The following AGBL4 variants were observed in gnomAD, a reference collection of about 807,000 sequenced individuals.
AGBL4 encodes AGBL carboxypeptidase 4.
In AGBL4, 58 loss-of-function variants were observed where a neutral mutation model predicts 66.4. That is an observed-to-expected ratio of 0.87 (90% CI 0.71 to 1.09). The LOEUF is 1.09. Among genes scored for constraint, AGBL4 ranks in the 50% least tolerant of loss-of-function variants. The pLI, the probability that AGBL4 is intolerant of heterozygous loss-of-function variation, is 0.00. For missense variants in AGBL4, 579 were observed against 631.0 expected (o/e 0.92, Z 0.88); for synonymous variants, 234 against 222.9 (o/e 1.05, Z -0.44).
chr1:49,596,529 G>A (rs1644857003), intron 3 of AGBL4, among the ~76,000 whole-genome samples: 1 of 152,140 alleles, frequency 6.6e-6, no homozygotes, highest in Non-Finnish European at 1.5e-5. Flanking sequence ...TGACCTCCAA[G>A]AATCTCTCAA....
intron 4 of AGBL4, among the ~76,000 whole-genome samples, chr1:49,160,623 G>A (rs750885360): frequency 6.6e-6 from 1 of 152,160 alleles, no homozygotes; most frequent in African/African-American, 2.4e-5. Context: ...AGGCAGGGAC[G>A]TTCAAATCTG....
chr1:48,922,646 A>G (rs527445848), intron 5 of AGBL4, among the ~76,000 whole-genome samples: 76 of 152,284 alleles, frequency 5.0e-4, no homozygotes, highest in African/African-American at 1.8e-3. Context: ...GTTATTCTTA[A>G]TTTAGGAGAC....
At chr1:48,921,688 C>T (rs1654092966) in intron 5 of AGBL4, among the ~76,000 whole-genome samples, 1 of 152,138 alleles carries the variant, frequency 6.6e-6, no homozygotes. Context: ...TATTTAGTCC[C>T]TTAATCTCTA....
intron 5 of AGBL4, among the ~76,000 whole-genome samples, chr1:48,902,451 G>C (rs1200045716): frequency 1.3e-5 from 2 of 152,144 alleles, no homozygotes; most frequent in Admixed American, 1.3e-4. Context: ...AAGCAGTGGA[G>C]ATGCTGAGAA....
chr1:49,654,491 G>A (rs955186533), intron 3 of AGBL4, among the ~76,000 whole-genome samples: 1 of 152,100 alleles, frequency 6.6e-6, no homozygotes, highest in African/African-American at 2.4e-5. Context: ...TTAGCTTTCT[G>A]TCTCGTTGAT....
At chr1:49,899,274 T>C (rs909835133) in intron 1 of AGBL4, among the ~76,000 whole-genome samples, 1 of 147,810 alleles carries the variant, frequency 6.8e-6, no homozygotes, top group African/African-American at 2.5e-5. Flanking sequence ...TCCACAAAAA[T>C]AAAAAAAAAA....
intron 3 of AGBL4, among the ~76,000 whole-genome samples, chr1:49,382,585 C>T (rs1048763984): frequency 3.3e-5 from 5 of 151,948 alleles, no homozygotes; most frequent in African/African-American, 9.7e-5. Context: ...GAAAGCTTTC[C>T]CTCTAAAATT....
At chr1:48,572,875 G>T (rs1023701004) in intron 11 of AGBL4, among the ~76,000 whole-genome samples, 1 of 152,198 alleles carries the variant, frequency 6.6e-6, no homozygotes. Flanking sequence ...CAACAAAGCC[G>T]CAGCTTGTGG....
At chr1:49,818,326 G>C (rs1645281741) in intron 2 of AGBL4, among the ~76,000 whole-genome samples, 1 of 151,274 alleles carries the variant, frequency 6.6e-6, no homozygotes, top group Non-Finnish European at 1.5e-5. Flanking sequence ...TAATCATATG[G>C]GTTTTTTTTA....
chr1:49,122,882 C>T (rs931081147), intron 4 of AGBL4, among the ~76,000 whole-genome samples: 1 of 152,094 alleles, frequency 6.6e-6, no homozygotes, highest in Non-Finnish European at 1.5e-5. Context: ...GAGACAGAGT[C>T]TCACTCTGTC....
At chr1:49,897,459 C>G (rs539200274) in intron 1 of AGBL4, among the ~76,000 whole-genome samples, 1 of 151,652 alleles carries the variant, frequency 6.6e-6, no homozygotes, top group Admixed American at 6.6e-5. Flanking sequence ...TTGAAGAGGA[C>G]ACAAAAAAGT....
At chr1:49,028,712 C>T (rs1372986671) in intron 5 of AGBL4, among the ~76,000 whole-genome samples, 2 of 152,106 alleles carry the variant, frequency 1.3e-5, no homozygotes, top group African/African-American at 4.8e-5. Flanking sequence ...ATGATTCCAT[C>T]AGGCCAGGAC....
chr1:48,778,655 T>TTG (rs1019876341), intron 6 of AGBL4, among the ~76,000 whole-genome samples: 10 of 152,042 alleles, frequency 6.6e-5, no homozygotes, highest in African/African-American at 2.4e-4. Context: ...CTTGTATTCA[T>TTG]TGTGTGTGTG....
chr1:48,690,005 C>T (rs1251191015), intron 6 of AGBL4, among the ~76,000 whole-genome samples: 1 of 152,216 alleles, frequency 6.6e-6, no homozygotes, highest in Non-Finnish European at 1.5e-5. Context: ...GCATGGGCTG[C>T]ACTGTTATAA....
intron 4 of AGBL4, among the ~76,000 whole-genome samples, chr1:49,110,160 A>C (rs1163452909): frequency 6.6e-6 from 1 of 152,068 alleles, no homozygotes; most frequent in Non-Finnish European, 1.5e-5. Flanking sequence ...CCTCCCTTCA[A>C]TGTCCACATT....
At chr1:48,767,090 G>C (rs577652101) in intron 6 of AGBL4, among the ~76,000 whole-genome samples, 13 of 152,156 alleles carry the variant, frequency 8.5e-5, no homozygotes, top group Non-Finnish European at 1.9e-4. Flanking sequence ...CATAACAAAT[G>C]GAAGAAATGG....
At chr1:48,606,066 T>TTA (rs1359701742) in intron 9 of AGBL4, among the ~76,000 whole-genome samples, 2 of 152,188 alleles carry the variant, frequency 1.3e-5, no homozygotes, top group African/African-American at 2.4e-5. Context: ...GTGTAACACT[T>TTA]TAATCATGGA....
chr1:48,959,381 A>G (rs1172522917), intron 5 of AGBL4, among the ~76,000 whole-genome samples: 1 of 152,170 alleles, frequency 6.6e-6, no homozygotes, highest in Non-Finnish European at 1.5e-5. Context: ...TTAATAATTA[A>G]TCCAGCAATT....
chr1:49,902,740 C>T (rs1649889946), intron 1 of AGBL4, among the ~76,000 whole-genome samples: 1 of 152,126 alleles, frequency 6.6e-6, no homozygotes, highest in African/African-American at 2.4e-5. Flanking sequence ...GAGCGAGACT[C>T]TGTCTCAAAA....
Sources: allele counts gnomAD v4.1 joint callset (sites outside exome capture counted in the v4.1 genomes callset), GRCh38; gene constraint gnomAD v4.1.1; transcripts MANE v1.5; gene names NCBI Gene and HGNC (gene_info 2026-07-23, HGNC 2026-07-21).